Variants in FGD3 observed in about 807,000 individuals in gnomAD.
FGD3 encodes FYVE, RhoGEF and PH domain-containing protein 3.
Under a neutral mutation model 71.8 loss-of-function variants are expected in FGD3, and 45 were observed. That is an observed-to-expected ratio of 0.63 (90% CI 0.49 to 0.80). The LOEUF (loss-of-function observed/expected upper bound fraction) is 0.80, where lower values mean the gene tolerates loss of function less well. Ranked by LOEUF, FGD3 falls within the 30% of genes least tolerant of loss-of-function variation. FGD3 has a pLI of 0.00. For synonymous variants in FGD3, 378 were observed against 392.8 expected (o/e 0.96, Z 0.44); for missense variants, 844 against 951.5 (o/e 0.89, Z 1.49).
intron 1 of FGD3, among the ~76,000 whole-genome samples, chr9:92,966,604 A>G (rs1859336680): frequency 6.6e-6 from 1 of 151,264 alleles, no homozygotes; most frequent in Non-Finnish European, 1.5e-5. Flanking sequence ...CCCGGGGCCC[A>G]CCCCACCTGG....
Position 93,004,007 on chromosome 9 carries a change from T to G in FGD3, c.550T>G (p.Cys184Gly). Residue 184 changes from cysteine (C) to glycine (G), a missense_variant, in exon 5 of 18, where the codon TGC becomes GGC. Cys to Gly is a radical substitution (Grantham distance 159). Coordinates refer to ENST00000375482, the MANE Select transcript of FGD3 (RefSeq NM_001083536.2). Reference protein sequence around the residue: ...KRLHLLDQVFCTRLTDAGIPP... With the variant: ...KRLHLLDQVFGTRLTDAGIPP... ...TGGGCTTCTCTATGCTCAGGTTTTC[T>G]GCACCAGGCTGACGGATGCGGGGAT... The G allele has an allele frequency of 6.2e-7, 1 of 1,614,190 alleles. No individual in the cohort carries two copies. Among genetic ancestry groups the G allele is most frequent in the Non-Finnish European group, 8.5e-7 (1 of 1,180,036 alleles).
chr9:93,034,622 G>T lies in FGD3; in HGVS notation c.1867G>T (p.Val623Leu). The stretch of plus-strand genomic sequence containing the variant: ...AGAGAGCGGTGAGACCTGGAGCGAG[G>T]TGTGGGCCGCCATCCCCATGTCAGA... ...LSESGETWSE[V>L]WAAIPMSDPQ... is the part of the protein sequence containing the mutation. Residue 623 changes from valine (V) to leucine (L), a missense_variant, in exon 17 of 18, where the codon GTG (valine) becomes TTG (leucine). Coordinates refer to ENST00000375482, the MANE Select transcript of FGD3 (RefSeq NM_001083536.2). 1 of 1,613,498 alleles carries T rather than the reference G, an allele frequency of 6.2e-7. No homozygotes were observed. Among genetic ancestry groups the T allele is most frequent in the East Asian group, 2.2e-5 (1 of 44,872 alleles).
In FGD3 at chr9:92,962,998, G is replaced by A. The variant is rs558430464; in HGVS notation, c.-217-12240G>A. Among the ~76,000 whole-genome samples, 5 of 151,384 alleles carry A rather than the reference G, an allele frequency of 3.3e-5. No individual in the cohort carries two copies. The East Asian group carries it at 7.8e-4, about 23-fold the overall frequency. ...GTTCAGCAATATGGCTGAGGCCACA[G>A]CACCCATGCGTCCGAGCTCAGGTGA... On this transcript the variant is annotated intron_variant, in intron 1 of 17. Coordinates refer to ENST00000375482, the MANE Select transcript of FGD3 (RefSeq NM_001083536.2).
chr9:92,993,707 C>T (rs1422955594), intron 3 of FGD3, among the ~76,000 whole-genome samples: 4 of 152,274 alleles, frequency 2.6e-5, no homozygotes, highest in Non-Finnish European at 4.4e-5. Flanking sequence ...TGAGTGAGAA[C>T]ATGCGGTGTT....
intron 3 of FGD3, 41 bp from the exon 4 acceptor site, chr9:93,002,884 G>T (rs760821198): frequency 6.2e-7 from 1 of 1,601,364 alleles, no homozygotes; most frequent in Admixed American, 1.7e-5. Context: ...ATTCCCCAAG[G>T]CTCATCTTCC....
At chr9:92,962,970 T>G (rs975499103) in intron 1 of FGD3, among the ~76,000 whole-genome samples, 3 of 148,708 alleles carry the variant, frequency 2.0e-5, no homozygotes, top group African/African-American at 7.3e-5. Flanking sequence ...AAGAAAAGAT[T>G]AAGTTCAGCA....
chr9:93,025,716 C>T (rs116803623), intron 14 of FGD3, among the ~76,000 whole-genome samples: 1,576 of 152,312 alleles, frequency 0.01, 21 homozygotes, highest in African/African-American at 0.036. Context: ...GATGGGCAAG[C>T]GTGGAGTTGC....
At position 92,976,363 on chromosome 9, in the gene FGD3, C is replaced by T; in HGVS notation, c.107C>T (p.Pro36Leu). The change falls in exon 3 of 18, where the codon CCT becomes CTT. Residue 36 changes from proline to leucine, a missense_variant. Pro to Leu is a moderately conservative substitution (Grantham distance 98, BLOSUM62 -3). Transcript: ENST00000375482. ...SSSLGKLQALPVGPRAHCGDP... is the reference protein window; with the variant it reads ...SSSLGKLQALLVGPRAHCGDP... ...TCCCTAGGGAAGCTTCAGGCGCTCC[C>T]TGTTGGGCCCAGAGCCCACTGTGGG... 6.2e-7 allele frequency: 1 copy of T among 1,610,554 alleles called. No homozygotes were observed. Among genetic ancestry groups the T allele is most frequent in the Non-Finnish European group, 8.5e-7 (1 of 1,178,970 alleles).
intron 15 of FGD3, among the ~76,000 whole-genome samples, 198 bp downstream of exon 15, chr9:93,030,194 C>T (rs1862303369): frequency 6.6e-6 from 1 of 152,234 alleles, no homozygotes; most frequent in African/African-American, 2.4e-5. Context: ...TCACTTTTCT[C>T]TGGTCAGCTC....
intron 3 of FGD3, among the ~76,000 whole-genome samples, chr9:92,985,099 G>A (rs1179487611): frequency 6.6e-6 from 1 of 152,216 alleles, no homozygotes; most frequent in Non-Finnish European, 1.5e-5. Flanking sequence ...GTTTCCAGTG[G>A]CCAAGCTTTT....
At chr9:92,950,627 G>A (rs1227859293) in intron 1 of FGD3, among the ~76,000 whole-genome samples, 1 of 152,148 alleles carries the variant, frequency 6.6e-6, no homozygotes, top group African/African-American at 2.4e-5. Context: ...CTGACTGATG[G>A]TGGGGAAAGA....
chr9:93,000,178 A>G (rs866383269), intron 3 of FGD3, among the ~76,000 whole-genome samples: 11 of 152,160 alleles, frequency 7.2e-5, no homozygotes, highest in African/African-American at 9.7e-5. Context: ...TTTTAAACTA[A>G]TAACAACTTC....
chr9:93,026,516 C>T (rs1472741244), intron 14 of FGD3, among the ~76,000 whole-genome samples: 1 of 152,198 alleles, frequency 6.6e-6, no homozygotes, highest in African/African-American at 2.4e-5. Context: ...CTGCGGACCT[C>T]AGCTCCATGG....
intron 3 of FGD3, among the ~76,000 whole-genome samples, chr9:92,977,395 G>C (rs544599227): frequency 6.6e-6 from 1 of 152,278 alleles, no homozygotes; most frequent in East Asian, 1.9e-4. Flanking sequence ...TGTGGGTATG[G>C]GGGGCACAGC....
At chr9:93,020,862 C>G (rs1861891388) in intron 13 of FGD3, among the ~76,000 whole-genome samples, 1 of 152,262 alleles carries the variant, frequency 6.6e-6, no homozygotes, top group Non-Finnish European at 1.5e-5. Context: ...CCTACCCACC[C>G]TCCACTAAGT....
rs749306537 is a variant in FGD3 at position 93,035,361 on chromosome 9, C to T, written c.1950C>T (p.Ile650=). Residue 650 remains isoleucine (I), a synonymous_variant, in exon 18 of 18, where the codon ATC becomes ATT. Transcript: ENST00000375482. ...AGGACGGCCGGCTGCCCCGCACCAT[C>T]CCTCTCCCCAGCTGCAAACTGAGTG... ...GSQDGRLPRT[I]PLPSCKLSVP... The T allele has an allele frequency of 1.9e-6, 3 of 1,610,448 alleles. No individual in the cohort carries two copies. The Admixed American group carries it at 5.0e-5, about 27-fold the overall frequency.
intron 10 of FGD3, among the ~76,000 whole-genome samples, chr9:93,016,548 G>A (rs553445429): frequency 6.6e-6 from 1 of 151,820 alleles, no homozygotes; most frequent in East Asian, 1.9e-4. Context: ...ATGTTTGCCA[G>A]GCTGGTCTCG....
chr9:93,028,455 C>A (rs1410373671), intron 14 of FGD3, among the ~76,000 whole-genome samples: 4 of 152,086 alleles, frequency 2.6e-5, no homozygotes, highest in Middle Eastern at 3.4e-3. Context: ...GAACTCGATA[C>A]ATATCTTTGC....
rs1165298738 is a variant in FGD3, at chr9:92,999,547, G to C, written c.454-3378G>C. Among the ~76,000 whole-genome samples the C allele has an allele frequency of 2.0e-5, 3 of 151,670 alleles. No individual in the cohort carries two copies. The East Asian group carries it at 5.8e-4, about 29-fold the overall frequency. On this transcript the variant is annotated intron_variant, in intron 3 of 17. Coordinates refer to ENST00000375482, the MANE Select transcript of FGD3 (RefSeq NM_001083536.2). Reference sequence around the variant, plus strand: ...CCGTCTAATGCGTCGCTTATGCTGGGAGCTGCAGACTGGAGCTTTTCCTAT... The same window carrying C: ...CCGTCTAATGCGTCGCTTATGCTGGCAGCTGCAGACTGGAGCTTTTCCTAT...
Sources: allele counts gnomAD v4.1 joint callset (sites outside exome capture counted in the v4.1 genomes callset), GRCh38; gene constraint gnomAD v4.1.1; transcripts MANE v1.5; gene names NCBI Gene and HGNC (gene_info 2026-07-23, HGNC 2026-07-21).